Variants in AP2B1 observed in about 807,000 individuals in gnomAD.
AP2B1 encodes the protein adaptor related protein complex 2 subunit beta 1.
A neutral mutation model predicts 102.0 loss-of-function variants in AP2B1; 23 were observed. The observed-to-expected ratio is 0.23, with a 90% CI of 0.16 to 0.32. AP2B1 has a LOEUF of 0.32. AP2B1 is among the 10% of genes least tolerant of loss of function. The probability of loss-of-function intolerance (pLI) is 1.00; values close to 1 mark genes in which losing one functional copy is unlikely to be tolerated. For synonymous variants in AP2B1, 381 were observed against 421.2 expected, an observed-to-expected ratio of 0.90 and a Z score of 1.17; for missense variants, 541 against 1,157.4, an observed-to-expected ratio of 0.47 and a Z score of 7.73.
At chr17:35,596,805 C>G in intron 2 of AP2B1, 1 of 632,298 alleles carries the variant, frequency 1.6e-6, no homozygotes, top group African/African-American at 1.8e-5. Context: ...CATGGGCCCC[C>G]GCAGCGCTGC....
chr17:35,701,481 A>G (rs1416518583), intron 18 of AP2B1, among the ~76,000 whole-genome samples: 1 of 152,202 alleles, frequency 6.6e-6, no homozygotes, highest in South Asian at 2.1e-4. Context: ...ATGATAGTCT[A>G]CTTCATATTA....
chr17:35,652,192 A>G (rs1298601869), intron 13 of AP2B1, among the ~76,000 whole-genome samples: 1 of 152,196 alleles, frequency 6.6e-6, no homozygotes, highest in African/African-American at 2.4e-5. Flanking sequence ...TCCTTTTTGG[A>G]TAACCTCCTT....
chr17:35,674,145 T>A (rs773565798), intron 16 of AP2B1, 31 bp from the exon 17 acceptor site: 74 of 1,590,252 alleles, frequency 4.7e-5, no homozygotes, highest in Non-Finnish European at 5.7e-5. Context: ...AAATCTTGTC[T>A]GATTCTATTG....
rs35271211 is a variant in AP2B1 at position 35,591,171 on chromosome 17, CAAAAAAA to C, written c.-23-2821_-23-2815del. On this transcript the variant is annotated intron_variant, in intron 1 of 21. Coordinates refer to ENST00000610402, the MANE Select transcript of AP2B1 (RefSeq NM_001030006.2). ...CCTGGGCCACAGTGAGATTTTGTCTCAAAAAAAAAAAAAAAAAAAAAAGAATTTAATG... is the reference window on the plus strand; with the variant it reads ...CCTGGGCCACAGTGAGATTTTGTCTCAAAAAAAAAAAAAAAGAATTTAATG... Among the ~76,000 whole-genome samples, 113 of 68,944 alleles carry C rather than the reference CAAAAAAA, an allele frequency of 1.6e-3. 1 individual carries two copies. The highest frequency in any genetic ancestry group is 0.012 in the South Asian group (24 of 2,074). The allele number at this position is 68,944 out of a possible 152,430, so 45.2% of individuals were successfully genotyped here. A position where few individuals can be genotyped will look rare whatever the true frequency, so the allele number is the denominator to read the frequency against.
chr17:35,686,883 G>T lies in AP2B1; in HGVS notation c.2454+4059G>T, dbSNP rs1400900136. On this transcript the variant is annotated intron_variant, in intron 18 of 21. Transcript: ENST00000610402. ...TGGGAGGCTGAGGCAGGAGAATGGC[G>T]TGAGAATGGCGTGAACCCGGGAGGC... 2.6e-5 allele frequency among the ~76,000 whole-genome samples: 4 copies of T among 152,206 alleles called. No individual in the cohort carries two copies. In the East Asian group the frequency reaches 7.8e-4, roughly 30 times the overall value.
intron 18 of AP2B1, among the ~76,000 whole-genome samples, chr17:35,687,314 C>T (rs2142996224): frequency 6.6e-6 from 1 of 151,860 alleles, no homozygotes; most frequent in Non-Finnish European, 1.5e-5. Context: ...GAGACGGGGT[C>T]TCTCCATGTT....
chr17:35,665,662 A>G (rs1772148813), intron 14 of AP2B1, among the ~76,000 whole-genome samples: 1 of 152,234 alleles, frequency 6.6e-6, no homozygotes, highest in Admixed American at 6.5e-5. Context: ...AGCTATTGGT[A>G]AGCTATATGG....
chr17:35,652,061 C>T (rs918941625), intron 13 of AP2B1, among the ~76,000 whole-genome samples: 7 of 152,174 alleles, frequency 4.6e-5, no homozygotes, highest in Admixed American at 2.6e-4. Flanking sequence ...ACAAAAACAA[C>T]GCTTTCTTAA....
intron 5 of AP2B1, among the ~76,000 whole-genome samples, chr17:35,616,275 A>C (rs1411807203): frequency 7.0e-6 from 1 of 143,000 alleles, no homozygotes; most frequent in Non-Finnish European, 1.5e-5. Flanking sequence ...TGCCATTCTC[A>C]TGCCTCACAC....
chr17:35,625,797 G>T (rs779551687), intron 6 of AP2B1, among the ~76,000 whole-genome samples: 4 of 151,986 alleles, frequency 2.6e-5, no homozygotes, highest in Non-Finnish European at 5.9e-5. Context: ...TTAAAGGATG[G>T]CCAGGGAAGA....
chr17:35,650,011 G>A (rs898381097), intron 12 of AP2B1, among the ~76,000 whole-genome samples: 6 of 151,746 alleles, frequency 4.0e-5, no homozygotes, highest in African/African-American at 7.3e-5. Flanking sequence ...GTGCAGTAGC[G>A]TGATCTCGGC....
chr17:35,611,464 C>CAT (rs1555558203), intron 5 of AP2B1, among the ~76,000 whole-genome samples: 2 of 151,052 alleles, frequency 1.3e-5, no homozygotes, highest in African/African-American at 4.9e-5. Context: ...GCAGTAAAGT[C>CAT]GTGTGTGTGT....
At chr17:35,708,703 A>G (rs2076392409) in intron 18 of AP2B1, among the ~76,000 whole-genome samples, 1 of 152,180 alleles carries the variant, frequency 6.6e-6, no homozygotes, top group Admixed American at 6.5e-5. Flanking sequence ...GGCACTAGTT[A>G]TTGTGGGGAG....
intron 5 of AP2B1, 135 bp downstream of exon 5, chr17:35,608,522 C>A (rs1404159676): frequency 3.7e-6 from 4 of 1,093,734 alleles, no homozygotes; most frequent in Non-Finnish European, 5.2e-6. Flanking sequence ...GTGTGTCTCA[C>A]AGATTGTATA....
At chr17:35,698,120 G>C (rs1456019475) in intron 18 of AP2B1, among the ~76,000 whole-genome samples, 2 of 152,136 alleles carry the variant, frequency 1.3e-5, no homozygotes, top group African/African-American at 4.8e-5. Flanking sequence ...TTCAATATCA[G>C]GTTTTTCTTT....
chr17:35,659,080 C>T (rs989780676), intron 14 of AP2B1, among the ~76,000 whole-genome samples: 12 of 152,206 alleles, frequency 7.9e-5, no homozygotes, highest in Admixed American at 5.2e-4. Flanking sequence ...ATAGCTTCCT[C>T]ATATGATCAT....
At chr17:35,711,717 C>A (rs752872118) in intron 20 of AP2B1, among the ~76,000 whole-genome samples, 1 of 152,140 alleles carries the variant, frequency 6.6e-6, no homozygotes, top group African/African-American at 2.4e-5. Flanking sequence ...GTGATCCGCC[C>A]GCCTCGGCCT....
chr17:35,687,601 G>T (rs1377610201), intron 18 of AP2B1, among the ~76,000 whole-genome samples: 1 of 152,022 alleles, frequency 6.6e-6, no homozygotes, highest in Non-Finnish European at 1.5e-5. Flanking sequence ...GGGCTGAAGT[G>T]CAGTAGTATA....
intron 14 of AP2B1, among the ~76,000 whole-genome samples, chr17:35,664,430 T>C (rs961516323): frequency 2.0e-5 from 3 of 152,130 alleles, no homozygotes; most frequent in Non-Finnish European, 2.9e-5. Context: ...TGGGTGTTCA[T>C]TTTTTTTCCT....
Sources: allele counts gnomAD v4.1 joint callset (sites outside exome capture counted in the v4.1 genomes callset), GRCh38; gene constraint gnomAD v4.1.1; transcripts MANE v1.5; gene names NCBI Gene and HGNC (gene_info 2026-07-23, HGNC 2026-07-21).